The following RB1CC1 variants were observed in gnomAD, a reference collection of about 807,000 sequenced individuals.
The protein encoded by RB1CC1 is RB1-inducible coiled-coil protein 1.
In RB1CC1, 46 loss-of-function variants were observed where a neutral mutation model predicts 177.5. The ratio of observed to expected loss-of-function variants is 0.26; its 90% CI spans 0.20 to 0.33. The LOEUF is 0.33. RB1CC1 is among the 10% of genes least tolerant of loss of function. The pLI is 1.00. For missense variants in RB1CC1, 1,703 were observed against 1,816.3 expected (o/e 0.94, Z 1.13); for synonymous variants, 666 against 613.6 (o/e 1.09, Z -1.26).
rs377264635 is a variant in RB1CC1 at position 52,696,026 on chromosome 8, C to G, written c.-166-9059G>C. ...CCTTCTAACTGTAGAGTTGGCTAAC[C>G]TCATTACACACTCATACTATGGTTT... On this transcript the variant is annotated intron_variant, in intron 1 of 23. Transcript: ENST00000025008. 1.6e-4 allele frequency among the ~76,000 whole-genome samples: 24 copies of G among 152,198 alleles called. 1 individual carries two copies. In the East Asian group the frequency reaches 4.5e-3, roughly 28 times the overall value.
chr8:52,666,808 G>A (rs1042339968), intron 8 of RB1CC1, among the ~76,000 whole-genome samples: 13 of 152,030 alleles, frequency 8.6e-5, no homozygotes, highest in African/African-American at 3.1e-4. Context: ...TAGGTTAAAG[G>A]AAAATATCTA....
chr8:52,627,791 G>A (rs1294441877), intron 22 of RB1CC1, among the ~76,000 whole-genome samples: 1 of 152,122 alleles, frequency 6.6e-6, no homozygotes, highest in African/African-American at 2.4e-5. Context: ...GTTATGAGAT[G>A]TCCGAATCAC....
intron 1 of RB1CC1, among the ~76,000 whole-genome samples, chr8:52,703,180 C>A (rs1279011132): frequency 6.6e-6 from 1 of 151,906 alleles, no homozygotes; most frequent in East Asian, 1.9e-4. Flanking sequence ...ATAAGTACTC[C>A]TTGGTTCCAC....
intron 5 of RB1CC1, among the ~76,000 whole-genome samples, chr8:52,678,383 T>G (rs1853347900): frequency 6.6e-6 from 1 of 152,110 alleles, no homozygotes; most frequent in African/African-American, 2.4e-5. Flanking sequence ...CACAACTGAA[T>G]TCCAGCCTGG....
chr8:52,635,227 T>C lies in RB1CC1; in HGVS notation c.4393-259A>G, dbSNP rs1296286816. On this transcript the variant is annotated intron_variant, in intron 19 of 23. Coordinates refer to ENST00000025008, the MANE Select transcript of RB1CC1 (RefSeq NM_014781.5). Reference sequence around the variant, plus strand: ...TAGAAACACCTGTGGAATATATAAATATGTAGTAAAAATCTGAGATCTATC... The same window carrying C: ...TAGAAACACCTGTGGAATATATAAACATGTAGTAAAAATCTGAGATCTATC... 2.6e-5 allele frequency among the ~76,000 whole-genome samples: 4 copies of C among 152,154 alleles called. No homozygotes were observed. The East Asian group carries it at 5.8e-4, about 22-fold the overall frequency.
chr8:52,645,230 G>A (rs1849911952), intron 16 of RB1CC1, among the ~76,000 whole-genome samples: 1 of 152,114 alleles, frequency 6.6e-6, no homozygotes. Context: ...ATTACAGAAA[G>A]GGTAAGATAT....
intron 22 of RB1CC1, among the ~76,000 whole-genome samples, chr8:52,625,710 T>C (rs940560935): frequency 1.3e-5 from 2 of 152,176 alleles, no homozygotes; most frequent in Non-Finnish European, 2.9e-5. Flanking sequence ...TTTTAAAGTG[T>C]TGAATGTCTC....
intron 5 of RB1CC1, among the ~76,000 whole-genome samples, chr8:52,682,038 T>C (rs1306752243): frequency 1.3e-5 from 2 of 152,126 alleles, no homozygotes; most frequent in African/African-American, 2.4e-5. Context: ...CACCAACAGC[T>C]TGCACTGTGC....
At chr8:52,698,675 T>G (rs1591126256) in intron 1 of RB1CC1, among the ~76,000 whole-genome samples, 3 of 2,140 alleles carry the variant, frequency 1.4e-3, no homozygotes, top group Non-Finnish European at 3.6e-3. Flanking sequence ...GGTTGGTTTT[T>G]TTTTTTTTTT....
At chr8:52,654,791 G>A (rs1339221877) in intron 15 of RB1CC1, among the ~76,000 whole-genome samples, 1 of 151,926 alleles carries the variant, frequency 6.6e-6, no homozygotes. Context: ...GTATTTTATT[G>A]CCCTGGCCTG....
At chr8:52,627,092 T>C (rs1034664091) in intron 22 of RB1CC1, among the ~76,000 whole-genome samples, 1 of 151,630 alleles carries the variant, frequency 6.6e-6, no homozygotes, top group African/African-American at 2.4e-5. Context: ...CTTAAGCCTG[T>C]AATCCCAGCA....
intron 15 of RB1CC1, among the ~76,000 whole-genome samples, chr8:52,650,571 A>G (rs1458611445): frequency 6.6e-6 from 1 of 152,146 alleles, no homozygotes; most frequent in African/African-American, 2.4e-5. Context: ...TCTAGTATTA[A>G]TCCCTTTAAT....
chr8:52,655,195 T>G (rs1850970955), intron 15 of RB1CC1, among the ~76,000 whole-genome samples: 6 of 152,074 alleles, frequency 3.9e-5, no homozygotes, highest in Admixed American at 3.9e-4. Flanking sequence ...AAGGGGAGGT[T>G]TAACAGTATA....
intron 1 of RB1CC1, among the ~76,000 whole-genome samples, chr8:52,690,944 C>T (rs2150634296): frequency 6.6e-6 from 1 of 152,280 alleles, no homozygotes; most frequent in East Asian, 1.9e-4. Flanking sequence ...TTCAGAATGT[C>T]TTACCTAACA....
intron 1 of RB1CC1, among the ~76,000 whole-genome samples, chr8:52,691,436 A>T (rs1287354535): frequency 6.6e-6 from 1 of 152,208 alleles, no homozygotes; most frequent in African/African-American, 2.4e-5. Flanking sequence ...CCTAATTGAG[A>T]ATGAGTTTGT....
chr8:52,663,230 T>C (rs1851780390), intron 8 of RB1CC1, among the ~76,000 whole-genome samples: 1 of 152,112 alleles, frequency 6.6e-6, no homozygotes, highest in African/African-American at 2.4e-5. Flanking sequence ...CAGCCAAATT[T>C]GGTTCAGGAA....
At chr8:52,648,752 G>A (rs1850287630) in intron 15 of RB1CC1, among the ~76,000 whole-genome samples, 3 of 152,330 alleles carry the variant, frequency 2.0e-5, no homozygotes, top group Admixed American at 2.0e-4. Flanking sequence ...CAGTTTCACA[G>A]ATAGGTTGGG....
intron 18 of RB1CC1, among the ~76,000 whole-genome samples, chr8:52,640,636 A>G (rs1185983693): frequency 6.6e-6 from 1 of 152,130 alleles, no homozygotes; most frequent in Non-Finnish European, 1.5e-5. Flanking sequence ...CTATATGTAG[A>G]ATGAAGTTGG....
rs918732917 is a variant in RB1CC1, at chr8:52,623,022, T to C, written c.*760A>G. 1.3e-5 allele frequency: 2 copies of C among 152,116 alleles called. No homozygotes were observed. Among genetic ancestry groups the C allele is most frequent in the Non-Finnish European group, 3.0e-5 (2 of 67,668 alleles). The allele number at this position is 152,116 out of a possible 1,614,324, so 9.4% of individuals were successfully genotyped here. A position where few individuals can be genotyped will look rare whatever the true frequency, so the allele number is the denominator to read the frequency against. On this transcript the variant is annotated 3_prime_UTR_variant, in exon 24 of 24. Coordinates refer to ENST00000025008, the MANE Select transcript of RB1CC1 (RefSeq NM_014781.5). ...TCTGAAACTCAACCATGAATTACGA[T>C]TTCATCAATATGATTATTCTAGAGT...
Sources: gnomAD v4.1 joint callset for allele counts (sites outside exome capture counted in the v4.1 genomes callset) on GRCh38, gnomAD v4.1.1 for gene constraint, MANE v1.5 for transcripts, NCBI Gene and HGNC (gene_info 2026-07-23, HGNC 2026-07-21) for gene names.